DPY19L4: variants seen among roughly 807,000 people sequenced by gnomAD.
DPY19L4 encodes the protein probable C-mannosyltransferase DPY19L4.
Under a neutral mutation model 102.8 loss-of-function variants are expected in DPY19L4, and 97 were observed. The observed-to-expected ratio is 0.94, with a 90% CI of 0.80 to 1.12. The LOEUF is 1.12. Among genes scored for constraint, DPY19L4 ranks in the 50% most tolerant of loss-of-function variants. The pLI is 0.00. For synonymous variants in DPY19L4, 252 were observed against 283.1 expected (o/e 0.89, Z 1.10); for missense variants, 815 against 850.4 (o/e 0.96, Z 0.52).
chr8:94,784,586 G>A (rs2130939627), intron 17 of DPY19L4, among the ~76,000 whole-genome samples: 1 of 152,204 alleles, frequency 6.6e-6, no homozygotes, highest in African/African-American at 2.4e-5. Flanking sequence ...CAGCCACCAT[G>A]ACCAGTTAAT....
rs772927631 is a variant in DPY19L4, at chr8:94,788,062, C to A, written c.2007+10C>A. Reference sequence around the variant, plus strand: ...CATTGCAAATGGCCACGTAAGTAACCATTTGGAAAGTTATATATATGTATA... The same window carrying A: ...CATTGCAAATGGCCACGTAAGTAACAATTTGGAAAGTTATATATATGTATA... On this transcript the variant is annotated intron_variant, in intron 18 of 18. Coordinates refer to ENST00000414645, the MANE Select transcript of DPY19L4 (RefSeq NM_181787.3). The A allele has an allele frequency of 7.1e-7, 1 of 1,402,116 alleles. No homozygotes were observed. Among genetic ancestry groups the A allele is most frequent in the Non-Finnish European group, 9.3e-7 (1 of 1,074,354 alleles). 86.9% of individuals were successfully genotyped at this position (1,402,116 alleles called of 1,614,324 possible).
chr8:94,751,005 T>C (rs1346610933), intron 6 of DPY19L4, among the ~76,000 whole-genome samples: 2 of 152,086 alleles, frequency 1.3e-5, no homozygotes, highest in African/African-American at 4.8e-5. Context: ...GGTCTCAAAC[T>C]CCTGACCTCA....
rs778248204 is a variant in DPY19L4 at position 94,777,662 on chromosome 8, C to T, written c.1455-4C>T. On this transcript the variant is annotated splice_region_variant and splice_polypyrimidine_tract_variant and intron_variant, in intron 13 of 18. Coordinates refer to ENST00000414645, the MANE Select transcript of DPY19L4 (RefSeq NM_181787.3). ...TCATGTATGACTCCATTTGTGTTTT[C>T]TAGCTTGAAGTACATCTGGATTCCT... 1.2e-6 allele frequency: 2 copies of T among 1,610,196 alleles called. No homozygotes were observed. Among genetic ancestry groups the T allele is most frequent in the East Asian group, 4.5e-5 (2 of 44,790 alleles).
chr8:94,736,285 T>C (rs1383132367), intron 3 of DPY19L4, among the ~76,000 whole-genome samples: 1 of 152,204 alleles, frequency 6.6e-6, no homozygotes, highest in East Asian at 1.9e-4. Flanking sequence ...ATATGTATTT[T>C]AGGAGGACAC....
chr8:94,749,334 A>C (rs1394161644), intron 6 of DPY19L4, among the ~76,000 whole-genome samples: 3 of 152,182 alleles, frequency 2.0e-5, no homozygotes, highest in African/African-American at 7.2e-5. Context: ...ACGGGAGTTC[A>C]ATGTTGCAAA....
intron 13 of DPY19L4, among the ~76,000 whole-genome samples, chr8:94,773,342 T>G (rs1233558156): frequency 6.7e-6 from 1 of 149,458 alleles, no homozygotes; most frequent in African/African-American, 2.4e-5. Flanking sequence ...GTTACCATCT[T>G]TAGAAGTTTG....
chr8:94,790,716 A>G lies in DPY19L4; in HGVS notation c.*806A>G, dbSNP rs958529019. On this transcript the variant is annotated 3_prime_UTR_variant, in exon 19 of 19. Transcript: ENST00000414645. ...TCAGGTTTTTTTTTTAAATACTGAT[A>G]TGGGGCATACAATCTATTCACATGT... The G allele has an allele frequency of 2.0e-5, 3 of 152,108 alleles. No homozygotes were observed. Among genetic ancestry groups the G allele is most frequent in the Admixed American group, 6.5e-5 (1 of 15,280 alleles). 9.4% of individuals were successfully genotyped at this position (152,108 alleles called of 1,614,324 possible).
rs1349616462 is a variant in DPY19L4 at position 94,765,183 on chromosome 8, G to T, written c.871G>T (p.Val291Phe). 1.4e-6 allele frequency: 2 copies of T among 1,475,294 alleles called. No individual in the cohort carries two copies. The allele number at this position is 1,475,294 out of a possible 1,614,324, so 91.4% of individuals were successfully genotyped here. The change falls in exon 9 of 19, where the codon GTT (valine) becomes TTT (phenylalanine). Residue 291 changes from valine (V) to phenylalanine (F), a missense_variant and splice_region_variant. Physicochemically the swap from Val to Phe is conservative, Grantham distance 50 (BLOSUM62 -1). Coordinates refer to ENST00000414645, the MANE Select transcript of DPY19L4 (RefSeq NM_181787.3). ...DTFSVEQSDK[V>F]YEVYKIYIFS... Reference sequence around the variant, plus strand: ...ACTTATTTTATTTTTGTCACAACAGGTTTATGAAGTTTATAAAATCTACAT... The same window carrying T: ...ACTTATTTTATTTTTGTCACAACAGTTTTATGAAGTTTATAAAATCTACAT...
chr8:94,790,389 A>G lies in DPY19L4; in HGVS notation c.*479A>G, dbSNP rs1033796509. 6.6e-6 allele frequency: 1 copy of G among 152,586 alleles called. No homozygotes were observed. Among genetic ancestry groups the G allele is most frequent in the African/African-American group, 2.4e-5 (1 of 41,456 alleles). 9.5% of individuals were successfully genotyped at this position (152,586 alleles called of 1,614,324 possible). ...AGTTTTACAATAAAAACTAATTTAA[A>G]TGTTAGCTGAAGATATGTGGCATTT... On this transcript the variant is annotated 3_prime_UTR_variant, in exon 19 of 19. Coordinates refer to ENST00000414645, the MANE Select transcript of DPY19L4 (RefSeq NM_181787.3).
rs1420342493 is a variant in DPY19L4, at chr8:94,754,178, A to G, written c.612-1858A>G. Among the ~76,000 whole-genome samples the G allele has an allele frequency of 2.0e-5, 3 of 152,114 alleles. No homozygotes were observed. In the East Asian group the frequency reaches 5.8e-4, roughly 29 times the overall value. ...CAGCAATTGGGGAGGGAATAGGAAA[A>G]AAGTTATTAGTGCTTAGAGGTCTGA... On this transcript the variant is annotated intron_variant, in intron 6 of 18. Transcript: ENST00000414645.
chr8:94,732,403 CA>C (rs1412073339), intron 2 of DPY19L4, among the ~76,000 whole-genome samples: 1 of 152,012 alleles, frequency 6.6e-6, no homozygotes. Flanking sequence ...CATTAAGAAG[CA>C]GTTACAGGCT....
At position 94,734,701 on chromosome 8, in the gene DPY19L4, G is replaced by A. The variant is rs1483217212; in HGVS notation, c.199G>A (p.Ala67Thr). The change falls in exon 3 of 19, where the codon GCT (alanine) becomes ACT (threonine). Residue 67 changes from alanine (A) to threonine (T), a missense_variant. Physicochemically the swap from Ala to Thr is moderately conservative, Grantham distance 58. Transcript: ENST00000414645. ...LAAVTSGMMY[A>T]LYLSAYHERK... is the part of the protein sequence containing the mutation. The stretch of plus-strand genomic sequence containing the variant: ...AGCGGTTACTAGTGGTATGATGTAT[G>A]CTCTCTACTTATCAGCATACCATGA... 1 of 1,614,016 alleles carries A rather than the reference G, an allele frequency of 6.2e-7. No homozygotes were observed. The highest frequency in any genetic ancestry group is 1.3e-5 in the African/African-American group (1 of 75,040).
At chr8:94,734,833 G>A in intron 3 of DPY19L4, 79 bp downstream of exon 3, 7 of 1,578,786 alleles carry the variant, frequency 4.4e-6, no homozygotes, top group Non-Finnish European at 6.0e-6. Context: ...TATGACAAGT[G>A]CTGTCTTATT....
chr8:94,735,605 G>A (rs1019321514), intron 3 of DPY19L4, among the ~76,000 whole-genome samples: 1 of 152,188 alleles, frequency 6.6e-6, no homozygotes, highest in African/African-American at 2.4e-5. Flanking sequence ...GCTGCGATCA[G>A]TATGTTGATA....
chr8:94,766,802 C>A, intron 11 of DPY19L4, 117 bp downstream of exon 11: 1 of 896,082 alleles, frequency 1.1e-6, no homozygotes, highest in Non-Finnish European at 1.7e-6. Flanking sequence ...CTTTAGGAGG[C>A]CGAGGTGGGT....
chr8:94,768,230 T>C (rs1379078445), intron 11 of DPY19L4, among the ~76,000 whole-genome samples, 165 bp from the exon 12 acceptor site: 1 of 152,244 alleles, frequency 6.6e-6, no homozygotes, highest in African/African-American at 2.4e-5. Context: ...TGTTTACTAA[T>C]ATGATACTAT....
chr8:94,766,847 C>CCCAGG (rs1812695041), intron 11 of DPY19L4, among the ~76,000 whole-genome samples, 162 bp downstream of exon 11: 1 of 151,870 alleles, frequency 6.6e-6, no homozygotes, highest in Non-Finnish European at 1.5e-5. Context: ...AGTTTGAGAC[C>CCCAGG]AGTCTGGGCA....
At chr8:94,747,659 C>T (rs989924376) in intron 6 of DPY19L4, among the ~76,000 whole-genome samples, 5 of 150,238 alleles carry the variant, frequency 3.3e-5, no homozygotes, top group African/African-American at 9.8e-5. Flanking sequence ...CCCGGGTTCA[C>T]GCCATTCTTC....
chr8:94,723,566 C>G (rs553769835), intron 1 of DPY19L4, among the ~76,000 whole-genome samples: 1 of 151,834 alleles, frequency 6.6e-6, no homozygotes, highest in African/African-American at 2.4e-5. Flanking sequence ...ATTGCTTTGG[C>G]CTTTGCTTTT....
Sources: gnomAD v4.1 joint callset for allele counts (sites outside exome capture counted in the v4.1 genomes callset) on GRCh38, gnomAD v4.1.1 for gene constraint, MANE v1.5 for transcripts, NCBI Gene and HGNC (gene_info 2026-07-23, HGNC 2026-07-21) for gene names.